Variants in ARB2A observed in about 807,000 individuals in gnomAD.
ARB2A encodes the protein cotranscriptional regulator ARB2A.
the ARB2A span, among the ~76,000 whole-genome samples, chr5:93,800,427 A>G: frequency 6.6e-6 from 1 of 151,098 alleles, no homozygotes; most frequent in Non-Finnish European, 1.5e-5. Flanking sequence ...ACACACACGC[A>G]CACAAAGATA....
the ARB2A span, among the ~76,000 whole-genome samples, chr5:94,045,805 C>T: frequency 6.6e-6 from 1 of 152,128 alleles, no homozygotes; most frequent in Non-Finnish European, 1.5e-5. Flanking sequence ...AAACTCATCC[C>T]TTTATTTACT....
the ARB2A span, among the ~76,000 whole-genome samples, chr5:93,675,636 C>A: frequency 2.0e-5 from 3 of 152,206 alleles, no homozygotes; most frequent in Admixed American, 6.5e-5. Flanking sequence ...ATTCTTCAAA[C>A]ATGAATTGCA....
chr5:93,937,477 T>A, the ARB2A span, among the ~76,000 whole-genome samples: 1 of 150,548 alleles, frequency 6.6e-6, no homozygotes, highest in Non-Finnish European at 1.5e-5. Context: ...CTGGGCGTGG[T>A]GGCATGCACC....
the ARB2A span, among the ~76,000 whole-genome samples, chr5:94,054,539 G>A: frequency 6.6e-6 from 1 of 152,028 alleles, no homozygotes; most frequent in East Asian, 1.9e-4. Flanking sequence ...AGGGGAACAT[G>A]GTATCAACAG....
the ARB2A span, among the ~76,000 whole-genome samples, chr5:93,852,437 A>G: frequency 2.0e-5 from 3 of 152,128 alleles, no homozygotes; most frequent in East Asian, 1.9e-4. Context: ...TTCCTTTGCT[A>G]TGCAGAAGCT....
chr5:93,908,830 C>G, the ARB2A span, among the ~76,000 whole-genome samples: 1 of 150,822 alleles, frequency 6.6e-6, no homozygotes, highest in Non-Finnish European at 1.5e-5. Flanking sequence ...TTAAAAGCAT[C>G]ATTTTCAAAC....
the ARB2A span, among the ~76,000 whole-genome samples, chr5:94,096,460 A>G: frequency 6.6e-6 from 1 of 152,166 alleles, no homozygotes; most frequent in Non-Finnish European, 1.5e-5. Flanking sequence ...TATGATGGCA[A>G]TAAGATTGGC....
the ARB2A span, among the ~76,000 whole-genome samples, chr5:93,659,262 C>G: frequency 1.3e-5 from 2 of 152,214 alleles, no homozygotes; most frequent in South Asian, 2.1e-4. Flanking sequence ...TTTTGAAACT[C>G]TGCTGTACTT....
chr5:93,674,719 T>C, the ARB2A span, among the ~76,000 whole-genome samples: 3 of 152,186 alleles, frequency 2.0e-5, no homozygotes, highest in African/African-American at 7.2e-5. Flanking sequence ...AAAAAATATA[T>C]AGCTTGAAGA....
At chr5:93,979,284 G>A in the ARB2A span, among the ~76,000 whole-genome samples, 1 of 152,074 alleles carries the variant, frequency 6.6e-6, no homozygotes, top group Admixed American at 6.6e-5. Context: ...AGTGCAGTAT[G>A]TTAGGAACAT....
the ARB2A span, among the ~76,000 whole-genome samples, chr5:93,826,309 C>T: frequency 6.6e-6 from 1 of 152,196 alleles, no homozygotes; most frequent in African/African-American, 2.4e-5. Context: ...AGACAATGCA[C>T]ACAATCACAT....
chr5:94,028,659 T>C, the ARB2A span, among the ~76,000 whole-genome samples: 4 of 152,300 alleles, frequency 2.6e-5, no homozygotes, highest in South Asian at 8.3e-4. Context: ...TATAAAAACG[T>C]TGAAAAATAG....
At chr5:93,740,893 C>T in the ARB2A span, 3 of 1,614,012 alleles carry the variant, frequency 1.9e-6, no homozygotes, top group Non-Finnish European at 2.5e-6. Context: ...TTTCTCCAGG[C>T]TGTTTCCGAT....
At chr5:94,064,809 C>G in the ARB2A span, among the ~76,000 whole-genome samples, 1 of 152,172 alleles carries the variant, frequency 6.6e-6, no homozygotes, top group Non-Finnish European at 1.5e-5. Context: ...TTCATCACTA[C>G]TAGACCAGAT....
the ARB2A span, among the ~76,000 whole-genome samples, chr5:93,946,442 A>C: frequency 6.6e-6 from 1 of 152,294 alleles, no homozygotes; most frequent in South Asian, 2.1e-4. Flanking sequence ...AAAAATTAGA[A>C]ACTAGAAAAT....
At chr5:93,801,413 G>C in the ARB2A span, among the ~76,000 whole-genome samples, 3 of 152,074 alleles carry the variant, frequency 2.0e-5, no homozygotes, top group Non-Finnish European at 4.4e-5. Flanking sequence ...ACAGAAACCA[G>C]CCGAGTATTT....
At chr5:93,958,451 T>C in the ARB2A span, among the ~76,000 whole-genome samples, 4 of 152,068 alleles carry the variant, frequency 2.6e-5, no homozygotes, top group Non-Finnish European at 5.9e-5. Context: ...TTGATAAATA[T>C]TTGATAGTTT....
At chr5:93,824,062 A>G in the ARB2A span, 1 of 1,127,978 alleles carries the variant, frequency 8.9e-7, no homozygotes, top group East Asian at 2.9e-5. Flanking sequence ...AACATAACTT[A>G]AAGAGTATTG....
At chr5:94,098,072 G>T in the ARB2A span, among the ~76,000 whole-genome samples, 1 of 152,142 alleles carries the variant, frequency 6.6e-6, no homozygotes, top group African/African-American at 2.4e-5. Context: ...GCCCAGGAGT[G>T]CTGAGCTGAA....
Sources: gnomAD v4.1 joint callset for allele counts (sites outside exome capture counted in the v4.1 genomes callset) on GRCh38, gnomAD v4.1.1 for gene constraint, MANE v1.5 for transcripts, NCBI Gene and HGNC (gene_info 2026-07-23, HGNC 2026-07-21) for gene names.